Variants in TRPS1 observed in about 807,000 individuals in gnomAD.
TRPS1 encodes transcriptional repressor GATA binding 1.
In TRPS1, 6 loss-of-function variants were observed where a neutral mutation model predicts 101.2. The observed-to-expected ratio is 0.06, with a 90% CI of 0.03 to 0.12. TRPS1 has a LOEUF of 0.12. TRPS1 is among the 10% of genes least tolerant of loss of function. The pLI is 1.00. For missense variants in TRPS1, 1,363 were observed against 1,567.0 expected (o/e 0.87, Z 2.20); for synonymous variants, 578 against 589.8 (o/e 0.98, Z 0.29).
intron 3 of TRPS1, among the ~76,000 whole-genome samples, chr8:115,610,733 T>C (rs769815077): frequency 3.9e-5 from 6 of 152,234 alleles, no homozygotes; most frequent in Non-Finnish European, 7.3e-5. Flanking sequence ...TACCCTAAAC[T>C]GGTTTTCTCA....
At chr8:115,584,572 ATAAACT>A (rs1817522723) in intron 5 of TRPS1, among the ~76,000 whole-genome samples, 1 of 151,616 alleles carries the variant, frequency 6.6e-6, no homozygotes, top group African/African-American at 2.4e-5. Context: ...CTCTGAAACT[ATAAACT>A]TATAGTACTT....
intron 5 of TRPS1, among the ~76,000 whole-genome samples, chr8:115,580,247 T>A (rs56812639): frequency 0.32 from 34,191 of 106,968 alleles, 4,203 homozygotes; most frequent in East Asian, 0.41. Context: ...AAAAAAAAAA[T>A]ATATATATAT....
chr8:115,491,927 G>A (rs1815032574), intron 5 of TRPS1, among the ~76,000 whole-genome samples: 2 of 152,154 alleles, frequency 1.3e-5, no homozygotes. Flanking sequence ...AATGAAATTT[G>A]TGGAAAGCAA....
chr8:115,548,902 C>T (rs990099508), intron 5 of TRPS1, among the ~76,000 whole-genome samples: 1 of 152,118 alleles, frequency 6.6e-6, no homozygotes, highest in East Asian at 1.9e-4. Flanking sequence ...TTTTCTCTCC[C>T]TAATAGATGA....
rs537458652 is a variant in TRPS1, at chr8:115,607,626, T to C, written c.967-2624A>G. Among the ~76,000 whole-genome samples, 87 of 151,982 alleles carry C rather than the reference T, an allele frequency of 5.7e-4. 1 individual carries two copies. In the South Asian group the frequency reaches 0.017, roughly 30 times the overall value. On this transcript the variant is annotated intron_variant, in intron 3 of 6. Transcript: ENST00000395715. ...TAATGACACTTCTATAGGTCACATA[T>C]TTGCGTTTTTGGTTAATATCGGTAA...
chr8:115,641,002 G>A (rs1421139400), intron 1 of TRPS1, among the ~76,000 whole-genome samples: 1 of 152,162 alleles, frequency 6.6e-6, no homozygotes, highest in African/African-American at 2.4e-5. Flanking sequence ...GTGGGGAGGT[G>A]TTGCAGGGAA....
chr8:115,641,751 A>G (rs1055899436), intron 1 of TRPS1, among the ~76,000 whole-genome samples: 5 of 152,144 alleles, frequency 3.3e-5, no homozygotes, highest in African/African-American at 1.2e-4. Context: ...ATGGTGGCGC[A>G]TGCCTGTAGT....
chr8:115,576,313 A>ATAGATC (rs1213246616), intron 5 of TRPS1, among the ~76,000 whole-genome samples: 1 of 143,104 alleles, frequency 7.0e-6, no homozygotes, highest in South Asian at 2.1e-4. Flanking sequence ...AGATATAGAT[A>ATAGATC]TAGATCTAGA....
intron 1 of TRPS1, among the ~76,000 whole-genome samples, chr8:115,659,757 C>T (rs1305022993): frequency 6.6e-6 from 1 of 151,916 alleles, no homozygotes. Context: ...AAAGTAGGCA[C>T]AAGTAGAATT....
chr8:115,454,212 T>C (rs1813956813), intron 5 of TRPS1, among the ~76,000 whole-genome samples: 1 of 152,216 alleles, frequency 6.6e-6, no homozygotes. Context: ...GTGTCCTCCA[T>C]GCTGGCTATT....
intron 1 of TRPS1, among the ~76,000 whole-genome samples, chr8:115,639,909 C>A (rs1048576768): frequency 2.0e-5 from 3 of 152,150 alleles, no homozygotes; most frequent in Non-Finnish European, 4.4e-5. Flanking sequence ...ATGAGGTAAA[C>A]CCTTGATATA....
intron 5 of TRPS1, among the ~76,000 whole-genome samples, chr8:115,500,126 T>C (rs1815277635): frequency 6.6e-6 from 1 of 152,006 alleles, no homozygotes; most frequent in Non-Finnish European, 1.5e-5. Context: ...GCCTCCCAGG[T>C]TTAAGCAATC....
At chr8:115,647,761 C>T (rs1332366390) in intron 1 of TRPS1, among the ~76,000 whole-genome samples, 1 of 152,026 alleles carries the variant, frequency 6.6e-6, no homozygotes, top group African/African-American at 2.4e-5. Flanking sequence ...TAGTTATCTC[C>T]ATAAAAAATG....
intron 4 of TRPS1, among the ~76,000 whole-genome samples, chr8:115,601,063 T>G (rs1035000684): frequency 6.6e-6 from 1 of 152,280 alleles, no homozygotes; most frequent in Non-Finnish European, 1.5e-5. Context: ...ACTGAGGTTT[T>G]TCACTCAGAG....
intron 1 of TRPS1, among the ~76,000 whole-genome samples, chr8:115,657,371 T>C (rs1811698614): frequency 6.6e-6 from 1 of 152,144 alleles, no homozygotes; most frequent in South Asian, 2.1e-4. Flanking sequence ...TAGTTTGCGT[T>C]ACTCCCTCGA....
chr8:115,575,782 T>C (rs1197392198), intron 5 of TRPS1, among the ~76,000 whole-genome samples: 1 of 152,162 alleles, frequency 6.6e-6, no homozygotes, highest in Non-Finnish European at 1.5e-5. Flanking sequence ...GATAGGTTTA[T>C]AGTTTTAAGA....
chr8:115,441,761 A>G (rs1309409510), intron 5 of TRPS1, among the ~76,000 whole-genome samples: 1 of 152,188 alleles, frequency 6.6e-6, no homozygotes, highest in African/African-American at 2.4e-5. Flanking sequence ...TTTATGAGGT[A>G]ACTATTTTAG....
intron 5 of TRPS1, among the ~76,000 whole-genome samples, chr8:115,468,923 T>C (rs1814394467): frequency 6.6e-6 from 1 of 152,058 alleles, no homozygotes; most frequent in East Asian, 1.9e-4. Context: ...AGAGATCATA[T>C]GAGGCCAGGA....
intron 5 of TRPS1, among the ~76,000 whole-genome samples, chr8:115,426,242 C>T (rs1199384203): frequency 1.3e-5 from 2 of 152,130 alleles, no homozygotes; most frequent in Non-Finnish European, 2.9e-5. Flanking sequence ...TTTAGCACCT[C>T]TTAAACTTCA....
Sources: allele counts gnomAD v4.1 joint callset (sites outside exome capture counted in the v4.1 genomes callset), GRCh38; gene constraint gnomAD v4.1.1; transcripts MANE v1.5; gene names NCBI Gene and HGNC (gene_info 2026-07-23, HGNC 2026-07-21).